COP1: variants seen among roughly 807,000 people sequenced by gnomAD.
The protein encoded by COP1 is COP1 E3 ubiquitin ligase.
COP1 carries 24 observed loss-of-function variants against 101.3 expected under a neutral mutation model. The ratio of observed to expected loss-of-function variants is 0.24; its 90% CI spans 0.17 to 0.33. COP1 has a LOEUF of 0.33. Among genes scored for constraint, COP1 ranks in the 10% least tolerant of loss-of-function variants. The probability of loss-of-function intolerance (pLI) is 1.00; values close to 1 mark genes in which losing one functional copy is unlikely to be tolerated. For synonymous variants in COP1, 347 were observed against 341.9 expected, an observed-to-expected ratio of 1.01 and a Z score of -0.17; for missense variants, 663 against 906.2, an observed-to-expected ratio of 0.73 and a Z score of 3.45.
intron 18 of COP1, among the ~76,000 whole-genome samples, chr1:175,952,104 G>A (rs1650003984): frequency 6.6e-6 from 1 of 152,138 alleles, no homozygotes; most frequent in African/African-American, 2.4e-5. Flanking sequence ...CAAGCCAGAA[G>A]ACAATAGGAC....
chr1:176,004,898 TA>T (rs1316759285), intron 15 of COP1, among the ~76,000 whole-genome samples: 2 of 151,802 alleles, frequency 1.3e-5, no homozygotes, highest in African/African-American at 4.8e-5. Context: ...CCTCTTTTTC[TA>T]TTGATTGGAA....
chr1:176,134,398 AAC>A (rs1223403325), intron 8 of COP1, among the ~76,000 whole-genome samples: 3 of 152,024 alleles, frequency 2.0e-5, no homozygotes, highest in Non-Finnish European at 2.9e-5. Context: ...CTAAAAGGGA[AAC>A]ACACACATTC....
intron 18 of COP1, among the ~76,000 whole-genome samples, chr1:175,951,437 A>AATGAATATATATATATATATATATAT (rs1649882218): frequency 2.8e-5 from 3 of 108,014 alleles, no homozygotes; most frequent in African/African-American, 1.0e-4. Context: ...AAGATACGTG[A>AATGAATATATATATATATATATATAT]ATATATATAT....
At position 176,206,591 on chromosome 1, in the gene COP1, T is replaced by G; in HGVS notation, c.388A>C (p.Lys130Gln). ...ACCCACCATACGAAGTCGTTGCTTTTGTCCTCGTAGGAGTTGATGAGCCCG... is the reference window on the plus strand; with the variant it reads ...ACCCACCATACGAAGTCGTTGCTTTGGTCCTCGTAGGAGTTGATGAGCCCG... Reference protein sequence around the residue: ...CNGLINSYEDKSNDFVCPICF... With the variant: ...CNGLINSYEDQSNDFVCPICF... Residue 130 changes from lysine to glutamine, a missense_variant, in exon 1 of 20, where the codon AAA (lysine) becomes CAA (glutamine). Coordinates refer to ENST00000367669, the MANE Select transcript of COP1 (RefSeq NM_022457.7). The G allele has an allele frequency of 6.2e-7, 1 of 1,611,382 alleles. No individual in the cohort carries two copies. The highest frequency in any genetic ancestry group is 8.5e-7 in the Non-Finnish European group (1 of 1,179,924).
At chr1:176,063,646 G>T (rs1310439620) in intron 11 of COP1, among the ~76,000 whole-genome samples, 2 of 152,168 alleles carry the variant, frequency 1.3e-5, no homozygotes. Flanking sequence ...AACATCATTA[G>T]TGGTAGAAAA....
rs545127691 is a variant in COP1, at chr1:176,173,498, G to A, written c.565+2412C>T. 2.8e-4 allele frequency among the ~76,000 whole-genome samples: 42 copies of A among 151,828 alleles called. No individual in the cohort carries two copies. In the Middle Eastern group the frequency reaches 0.01, roughly 37 times the overall value. On this transcript the variant is annotated intron_variant, in intron 3 of 19. Coordinates refer to ENST00000367669, the MANE Select transcript of COP1 (RefSeq NM_022457.7). ...AAAAACAAACAAACAAAAATAGCCA[G>A]GTATGGTGGCGCATGTCTGTAGCCC...
At chr1:176,058,754 T>TAA (rs1171809329) in intron 11 of COP1, among the ~76,000 whole-genome samples, 42 of 88,318 alleles carry the variant, frequency 4.8e-4, no homozygotes, top group Admixed American at 1.0e-3. Flanking sequence ...GAATGATCAA[T>TAA]AAAAAAAAAA....
chr1:175,960,394 T>C (rs370442945), intron 18 of COP1, among the ~76,000 whole-genome samples: 76 of 152,312 alleles, frequency 5.0e-4, no homozygotes, highest in African/African-American at 1.7e-3. Context: ...AACAGACACA[T>C]ACATAAGTGC....
At chr1:176,158,930 T>C (rs1441459355) in intron 5 of COP1, among the ~76,000 whole-genome samples, 1 of 152,198 alleles carries the variant, frequency 6.6e-6, no homozygotes, top group Non-Finnish European at 1.5e-5. Context: ...CGTAAGCCAC[T>C]GTGCCTGGCC....
At chr1:176,018,096 C>T (rs1472208817) in intron 15 of COP1, among the ~76,000 whole-genome samples, 1 of 152,150 alleles carries the variant, frequency 6.6e-6, no homozygotes, top group African/African-American at 2.4e-5. Context: ...ATACAGTTGG[C>T]CCTGGTTTCC....
At chr1:176,172,427 A>G (rs1558254703) in intron 3 of COP1, among the ~76,000 whole-genome samples, 1 of 152,218 alleles carries the variant, frequency 6.6e-6, no homozygotes, top group Non-Finnish European at 1.5e-5. Context: ...ATCACTTTTC[A>G]AAATTTTCAT....
At chr1:175,997,638 A>T (rs2148828247) in intron 15 of COP1, among the ~76,000 whole-genome samples, 1 of 152,364 alleles carries the variant, frequency 6.6e-6, no homozygotes, top group South Asian at 2.1e-4. Context: ...GCCAAAAAAC[A>T]CATGAAAAAA....
chr1:176,006,487 G>C (rs927153412), intron 15 of COP1, among the ~76,000 whole-genome samples: 8 of 152,116 alleles, frequency 5.3e-5, no homozygotes, highest in Non-Finnish European at 1.0e-4. Context: ...TGGCTGGTAT[G>C]GGTTGTTCCT....
intron 15 of COP1, among the ~76,000 whole-genome samples, chr1:176,006,332 C>T (rs1002168742): frequency 1.6e-4 from 25 of 152,142 alleles, no homozygotes; most frequent in African/African-American, 5.8e-4. Context: ...TTCATTGGAG[C>T]ATTTAGTCTA....
intron 18 of COP1, among the ~76,000 whole-genome samples, chr1:175,954,813 T>C (rs1650403888): frequency 1.3e-5 from 2 of 152,072 alleles, no homozygotes; most frequent in Admixed American, 1.3e-4. Context: ...TATAAACAGA[T>C]GTAAAAAACC....
At chr1:176,190,684 C>G (rs988982990) in intron 1 of COP1, among the ~76,000 whole-genome samples, 14 of 151,810 alleles carry the variant, frequency 9.2e-5, no homozygotes, top group Non-Finnish European at 1.9e-4. Flanking sequence ...TTTGTCATTC[C>G]CTTTTATATG....
intron 11 of COP1, among the ~76,000 whole-genome samples, chr1:176,058,567 A>G (rs1314422795): frequency 1.3e-5 from 2 of 152,160 alleles, no homozygotes; most frequent in Non-Finnish European, 2.9e-5. Context: ...CAGCATGCTC[A>G]TTAAGAGTCA....
chr1:175,958,932 A>G (rs965962301), intron 18 of COP1, among the ~76,000 whole-genome samples: 8 of 152,004 alleles, frequency 5.3e-5, no homozygotes, highest in African/African-American at 1.9e-4. Context: ...TTCCACATCA[A>G]AGGAGGAAAG....
At chr1:176,177,714 A>G (rs1260062638) in intron 2 of COP1, among the ~76,000 whole-genome samples, 2 of 152,116 alleles carry the variant, frequency 1.3e-5, no homozygotes, top group Non-Finnish European at 2.9e-5. Context: ...AATTTACTTG[A>G]GCTTTGTAAA....
Sources: gnomAD v4.1 joint callset for allele counts (sites outside exome capture counted in the v4.1 genomes callset) on GRCh38, gnomAD v4.1.1 for gene constraint, MANE v1.5 for transcripts, NCBI Gene and HGNC (gene_info 2026-07-23, HGNC 2026-07-21) for gene names.